UPF1: variants seen among roughly 807,000 people sequenced by gnomAD.
UPF1 encodes the protein regulator of nonsense transcripts 1.
A neutral mutation model predicts 129.2 loss-of-function variants in UPF1; 9 were observed. The ratio of observed to expected loss-of-function variants is 0.07; its 90% CI spans 0.04 to 0.12. The LOEUF (loss-of-function observed/expected upper bound fraction) is 0.12, where lower values mean the gene tolerates loss of function less well. UPF1 is among the 10% of genes least tolerant of loss of function. UPF1 has a pLI of 1.00. For synonymous variants in UPF1, 649 were observed against 644.9 expected (o/e 1.01, Z -0.10); for missense variants, 788 against 1,525.3 (o/e 0.52, Z 8.05).
At chr19:18,843,028 C>A (rs1290953825) in intron 1 of UPF1, among the ~76,000 whole-genome samples, 1 of 152,138 alleles carries the variant, frequency 6.6e-6, no homozygotes, top group African/African-American at 2.4e-5. Flanking sequence ...GCCTCACTAT[C>A]TTGCCCAGGC....
rs994529161 is a variant in UPF1 at position 18,853,799 on chromosome 19, C to T, written c.1156+449C>T. On this transcript the variant is annotated intron_variant, in intron 8 of 23. Coordinates refer to ENST00000262803, the MANE Select transcript of UPF1 (RefSeq NM_002911.4). This position sits in a 1 kb window ranked among gnomAD's most constrained non-coding sequence, Gnocchi z 4.4. ...GCCATGTTTGGGAATGTGCAGTGACCTCATGGTGATGCAGCCTGCCGGCCA... is the reference window on the plus strand; with the variant it reads ...GCCATGTTTGGGAATGTGCAGTGACTTCATGGTGATGCAGCCTGCCGGCCA... Among the ~76,000 whole-genome samples, 2 of 152,218 alleles carry T rather than the reference C, an allele frequency of 1.3e-5. No homozygotes were observed. The highest frequency in any genetic ancestry group is 2.9e-5 in the Non-Finnish European group (2 of 68,032).
At chr19:18,846,589 T>C (rs2055602939) in intron 2 of UPF1, among the ~76,000 whole-genome samples, 1 of 152,116 alleles carries the variant, frequency 6.6e-6, no homozygotes, top group South Asian at 2.1e-4. Context: ...TGGATAGACC[T>C]GCATGTTGAC....
chr19:18,843,937 G>A (rs974735866), intron 1 of UPF1, among the ~76,000 whole-genome samples: 2 of 152,094 alleles, frequency 1.3e-5, no homozygotes, highest in African/African-American at 4.8e-5. Context: ...TGTGGAGACA[G>A]GATCTTGGCT....
chr19:18,856,468 G>A (rs544462672), intron 13 of UPF1, among the ~76,000 whole-genome samples, 168 bp downstream of exon 13: 3 of 152,272 alleles, frequency 2.0e-5, no homozygotes, highest in South Asian at 4.1e-4. Context: ...GGGACATCTC[G>A]CTGCCTGGAA....
chr19:18,866,454 G>A (rs1199637919), intron 23 of UPF1, 67 bp from the exon 24 acceptor site: 5 of 386,110 alleles, frequency 1.3e-5, no homozygotes, highest in Non-Finnish European at 2.3e-5. Flanking sequence ...ACTGTCCTGT[G>A]TGCTGGGTAC....
Position 18,832,299 on chromosome 19 carries a change from C to T in UPF1, c.90C>T (p.Gly30=), listed in dbSNP as rs540877955. 1.3e-6 allele frequency: 2 copies of T among 1,537,332 alleles called. No homozygotes were observed. The highest frequency in any genetic ancestry group is 1.9e-5 in the Admixed American group (1 of 52,454). ...EAELLGADTQ[G]SEFEFTDFTL... is the part of the protein sequence containing the mutation. ...AGCTGCTTGGCGCCGACACACAGGG[C>T]TCCGAGTTCGAGTTCACCGACTTTA... The change falls in exon 1 of 24, where the codon GGC becomes GGT. Residue 30 remains glycine (G), a synonymous_variant. Coordinates refer to ENST00000262803, the MANE Select transcript of UPF1 (RefSeq NM_002911.4). This position sits in a 1 kb window ranked among gnomAD's most constrained non-coding sequence, Gnocchi z 5.6.
chr19:18,866,241 G>A, intron 23 of UPF1, 75 bp downstream of exon 23: 1 of 1,472,126 alleles, frequency 6.8e-7, no homozygotes, highest in Non-Finnish European at 9.0e-7. Flanking sequence ...TCCCCAGGGA[G>A]CTGCACTGGA....
intron 1 of UPF1, among the ~76,000 whole-genome samples, chr19:18,843,621 C>T (rs190283772): frequency 4.1e-5 from 6 of 145,772 alleles, no homozygotes; most frequent in Non-Finnish European, 7.4e-5. Context: ...TGGGTTCAAG[C>T]GATTCTCCTG....
At chr19:18,861,335 T>G (rs1601126641) in intron 17 of UPF1, among the ~76,000 whole-genome samples, 1 of 152,326 alleles carries the variant, frequency 6.6e-6, no homozygotes, top group Middle Eastern at 3.4e-3. Context: ...GACCGTGGTG[T>G]TCACACCTTT....
rs750049677 is a variant in UPF1 at position 18,862,171 on chromosome 19, G to A, written c.2600+19G>A. 3.7e-6 allele frequency: 6 copies of A among 1,611,458 alleles called. No individual in the cohort carries two copies. In the South Asian group the frequency reaches 6.6e-5, roughly 18 times the overall value. Reference sequence around the variant, plus strand: ...GAGCAAGGTAGGGAGGCTGCCTGCTGCATGCTGCCCAGCCGCTCATCGGTC... The same window carrying A: ...GAGCAAGGTAGGGAGGCTGCCTGCTACATGCTGCCCAGCCGCTCATCGGTC... On this transcript the variant is annotated intron_variant, in intron 18 of 23. Transcript: ENST00000262803.
intron 16 of UPF1, 96 bp from the exon 17 acceptor site, chr19:18,860,730 C>A: frequency 6.6e-7 from 1 of 1,516,052 alleles, no homozygotes; most frequent in Non-Finnish European, 8.9e-7. Flanking sequence ...CAGCTGCCTT[C>A]CCGCAGGGTG....
intron 19 of UPF1, among the ~76,000 whole-genome samples, chr19:18,863,927 A>AGG (rs972712082): frequency 6.6e-6 from 1 of 151,900 alleles, no homozygotes; most frequent in African/African-American, 2.4e-5. Flanking sequence ...TCTGGTAGTG[A>AGG]GGGGGTGTGA....
chr19:18,835,386 G>T (rs2055473194), intron 1 of UPF1, among the ~76,000 whole-genome samples: 2 of 151,818 alleles, frequency 1.3e-5, no homozygotes, highest in African/African-American at 4.8e-5. Flanking sequence ...CTGTTGCCCA[G>T]GCTGGGGTGC....
chr19:18,836,891 C>G (rs2055489119), intron 1 of UPF1, among the ~76,000 whole-genome samples: 1 of 151,572 alleles, frequency 6.6e-6, no homozygotes, highest in African/African-American at 2.4e-5. Flanking sequence ...GTAGCTGGGA[C>G]TACAGGTGTG....
Position 18,853,241 on chromosome 19 carries a change from T to C in UPF1, c.1058-11T>C, listed in dbSNP as rs370079636. On this transcript the variant is annotated splice_polypyrimidine_tract_variant and intron_variant, in intron 7 of 23. Transcript: ENST00000262803. The surrounding 1 kb of genome is among the most constrained non-coding windows in gnomAD (Gnocchi z 4.4). Reference sequence around the variant, plus strand: ...TTAAAATGGCCACCTCTCTCACTTTTTTACCTCAAGACATGCGGCTCATGC... The same window carrying C: ...TTAAAATGGCCACCTCTCTCACTTTCTTACCTCAAGACATGCGGCTCATGC... The C allele has an allele frequency of 6.2e-7, 1 of 1,607,064 alleles. No homozygotes were observed. The highest frequency in any genetic ancestry group is 8.5e-7 in the Non-Finnish European group (1 of 1,175,766).
chr19:18,853,366 A>AGAGGGT lies in UPF1; in HGVS notation c.1156+18_1156+23dup. On this transcript the variant is annotated intron_variant, in intron 8 of 23. Transcript: ENST00000262803. This position sits in a 1 kb window ranked among gnomAD's most constrained non-coding sequence, Gnocchi z 4.4. Reference sequence around the variant, plus strand: ...GTCCCTGATAGTATCCTTCATGTGAAGAGGGTGTGGCCGGCTGGTGGGAGA... The same window carrying AGAGGGT: ...GTCCCTGATAGTATCCTTCATGTGAAGAGGGTGAGGGTGTGGCCGGCTGGTGGGAGA... The AGAGGGT allele has an allele frequency of 6.3e-7, 1 of 1,590,642 alleles. No homozygotes were observed. The highest frequency in any genetic ancestry group is 1.1e-5 in the South Asian group (1 of 87,776).
Position 18,850,466 on chromosome 19 carries a change from A to G in UPF1, c.630-222A>G, listed in dbSNP as rs2055646537. Among the ~76,000 whole-genome samples the G allele has an allele frequency of 6.6e-6, 1 of 152,264 alleles. No individual in the cohort carries two copies. The highest frequency in any genetic ancestry group is 1.5e-5 in the Non-Finnish European group (1 of 68,054). On this transcript the variant is annotated intron_variant, in intron 4 of 23. Transcript: ENST00000262803. The surrounding 1 kb of genome is among the most constrained non-coding windows in gnomAD (Gnocchi z 7.1). ...TTGGGGCGTTCTGGCTAAGTCATAA[A>G]AACAATTCTGTAAAAACAAAGTCTG...
chr19:18,864,439 C>G (rs2055816836), intron 20 of UPF1, among the ~76,000 whole-genome samples, 188 bp downstream of exon 20: 1 of 152,242 alleles, frequency 6.6e-6, no homozygotes. Flanking sequence ...TGTCTTTAAC[C>G]AGAGTTTATT....
At position 18,867,130 on chromosome 19, in the gene UPF1, A is replaced by G. The variant is rs926965359; in HGVS notation, c.*613A>G. 1 of 152,660 alleles carries G rather than the reference A, an allele frequency of 6.6e-6. No homozygotes were observed. The highest frequency in any genetic ancestry group is 2.4e-5 in the African/African-American group (1 of 41,580). 9.5% of individuals were successfully genotyped at this position (152,660 alleles called of 1,614,324 possible). A position where few individuals can be genotyped will look rare whatever the true frequency, so the allele number is the denominator to read the frequency against. ...AGAATACTTTCCTAAGTTTGTCTGT[A>G]AAATCTTAGCGGTGGACCTGGGAGA... is the stretch of plus-strand genomic sequence containing the variant. On this transcript the variant is annotated 3_prime_UTR_variant, in exon 24 of 24. Transcript: ENST00000262803.
Sources: gnomAD v4.1 joint callset for allele counts (sites outside exome capture counted in the v4.1 genomes callset) on GRCh38, gnomAD v4.1.1 for gene constraint, Gnocchi (gnomAD v3.1) non-coding constraint, MANE v1.5 for transcripts, NCBI Gene and HGNC (gene_info 2026-07-23, HGNC 2026-07-21) for gene names.